SLC16A1: variants seen among roughly 807,000 people sequenced by gnomAD.
The protein encoded by SLC16A1 is monocarboxylate transporter 1.
A neutral mutation model predicts 32.2 loss-of-function variants in SLC16A1; 11 were observed. That is an observed-to-expected ratio of 0.34 (90% confidence interval 0.21 to 0.56). SLC16A1 has a LOEUF of 0.56. SLC16A1 is among the 20% of genes least tolerant of loss of function. SLC16A1 has a pLI of 0.87. For missense variants in SLC16A1, 435 were observed against 615.0 expected (o/e 0.71, Z 3.10); for synonymous variants, 231 against 226.8 (o/e 1.02, Z -0.17).
rs1380352421 is a variant in SLC16A1, at chr1:112,947,337, T to C, written c.-45+8698A>G. On this transcript the variant is annotated intron_variant, in intron 1 of 4. Transcript: ENST00000369626. ...TGAGTTGTCAGGATTATATCATTTA[T>C]GTTACTTTGAATGTAAATGAGTATT... Among the ~76,000 whole-genome samples, 5 of 152,240 alleles carry C rather than the reference T, an allele frequency of 3.3e-5. No individual in the cohort carries two copies. The South Asian group carries it at 1.0e-3, about 31-fold the overall frequency.
At chr1:112,943,763 G>A (rs769006127) in intron 1 of SLC16A1, among the ~76,000 whole-genome samples, 1 of 147,620 alleles carries the variant, frequency 6.8e-6, no homozygotes, top group Non-Finnish European at 1.5e-5. Context: ...ACTCTAGCCT[G>A]GGTGACAGCA....
At chr1:112,939,724 T>C (rs1439423171) in intron 1 of SLC16A1, among the ~76,000 whole-genome samples, 1 of 151,906 alleles carries the variant, frequency 6.6e-6, no homozygotes, top group African/African-American at 2.4e-5. Flanking sequence ...AGGCTGGTCT[T>C]GAACTCCTGA....
intron 1 of SLC16A1, among the ~76,000 whole-genome samples, chr1:112,953,586 A>C (rs1226122816): frequency 1.3e-5 from 2 of 152,162 alleles, no homozygotes; most frequent in African/African-American, 4.8e-5. Context: ...AATGGCTTAC[A>C]AGGCCCTCCA....
At chr1:112,948,695 G>T (rs1156668206) in intron 1 of SLC16A1, among the ~76,000 whole-genome samples, 2 of 152,020 alleles carry the variant, frequency 1.3e-5, no homozygotes, top group Non-Finnish European at 2.9e-5. Context: ...TAGAGGCAGG[G>T]TTTCATCATG....
intron 4 of SLC16A1, among the ~76,000 whole-genome samples, chr1:112,916,496 TAAAAAAAAAAAA>T (rs570173297): frequency 1.8e-3 from 113 of 61,202 alleles, no homozygotes; most frequent in African/African-American, 7.0e-3. Context: ...AAGACTGTCT[TAAAAAAAAAAAA>T]AAAAAAAAAA....
intron 1 of SLC16A1, among the ~76,000 whole-genome samples, chr1:112,937,058 G>A (rs1345971002): frequency 2.0e-5 from 3 of 152,146 alleles, no homozygotes; most frequent in African/African-American, 7.2e-5. Flanking sequence ...TTGATTTTAT[G>A]AGCTTTTTCT....
At chr1:112,944,821 T>C (rs537382941) in intron 1 of SLC16A1, among the ~76,000 whole-genome samples, 3 of 151,960 alleles carry the variant, frequency 2.0e-5, no homozygotes, top group African/African-American at 7.2e-5. Flanking sequence ...GCCCCACGAG[T>C]AGCTGGGATT....
intron 2 of SLC16A1, 83 bp downstream of exon 2, chr1:112,929,009 T>C (rs1293491726): frequency 3.4e-6 from 3 of 872,290 alleles, no homozygotes; most frequent in Non-Finnish European, 5.1e-6. Context: ...GAATAAGACT[T>C]TTTTTTTTTT....
chr1:112,924,189 C>T (rs1156368248), intron 2 of SLC16A1: 7 of 1,510,768 alleles, frequency 4.6e-6, no homozygotes, highest in Non-Finnish European at 5.5e-6. Context: ...GCAGGGTGCC[C>T]ACGGGGACGC....
intron 1 of SLC16A1, among the ~76,000 whole-genome samples, chr1:112,938,390 G>C (rs1384044771): frequency 6.6e-6 from 1 of 152,054 alleles, no homozygotes; most frequent in Non-Finnish European, 1.5e-5. Flanking sequence ...TCAAAGTCTA[G>C]GAAACCTCAC....
intron 1 of SLC16A1, among the ~76,000 whole-genome samples, chr1:112,940,551 C>G (rs1570640476): frequency 6.6e-6 from 1 of 151,954 alleles, no homozygotes; most frequent in East Asian, 1.9e-4. Flanking sequence ...GAATCAGAAT[C>G]AGGTTAGACA....
At chr1:112,925,217 T>A (rs72683441) in intron 2 of SLC16A1, among the ~76,000 whole-genome samples, 171 of 152,306 alleles carry the variant, frequency 1.1e-3, no homozygotes, top group Non-Finnish European at 2.1e-3. Context: ...CCTCTGTGGC[T>A]GGAGTGCAGT....
chr1:112,950,730 C>T (rs943843271), intron 1 of SLC16A1, among the ~76,000 whole-genome samples: 2 of 152,198 alleles, frequency 1.3e-5, no homozygotes, highest in Non-Finnish European at 2.9e-5. Flanking sequence ...GGTGAGGTAG[C>T]TCACACCTGT....
intron 3 of SLC16A1, among the ~76,000 whole-genome samples, chr1:112,919,424 C>G (rs908764160): frequency 6.6e-6 from 1 of 152,152 alleles, no homozygotes; most frequent in Non-Finnish European, 1.5e-5. Flanking sequence ...ACTTACAGAA[C>G]AAATACAGAG....
At chr1:112,949,516 T>C (rs762319101) in intron 1 of SLC16A1, among the ~76,000 whole-genome samples, 2 of 152,204 alleles carry the variant, frequency 1.3e-5, no homozygotes, top group African/African-American at 2.4e-5. Flanking sequence ...TAGAATCCTG[T>C]GACATCAGCA....
intron 2 of SLC16A1, among the ~76,000 whole-genome samples, chr1:112,927,810 T>G (rs1648992987): frequency 6.6e-6 from 1 of 152,202 alleles, no homozygotes; most frequent in Non-Finnish European, 1.5e-5. Flanking sequence ...AAAACACAAG[T>G]GGCTTTCTCG....
intron 1 of SLC16A1, among the ~76,000 whole-genome samples, chr1:112,954,605 T>G (rs1650012414): frequency 6.6e-6 from 1 of 152,208 alleles, no homozygotes; most frequent in African/African-American, 2.4e-5. Flanking sequence ...GACATTACAG[T>G]CTATCCCGTT....
intron 4 of SLC16A1, among the ~76,000 whole-genome samples, chr1:112,916,093 A>G (rs1179921282): frequency 1.3e-5 from 2 of 152,176 alleles, no homozygotes; most frequent in Non-Finnish European, 2.9e-5. Flanking sequence ...AACAGGAGAT[A>G]CAAAATGATA....
At chr1:112,926,109 T>C (rs1263622534) in intron 2 of SLC16A1, among the ~76,000 whole-genome samples, 1 of 152,224 alleles carries the variant, frequency 6.6e-6, no homozygotes, top group Non-Finnish European at 1.5e-5. Flanking sequence ...GTGATCATGA[T>C]ACTGGTGCAC....
Sources: gnomAD v4.1 joint callset for allele counts (sites outside exome capture counted in the v4.1 genomes callset) on GRCh38, gnomAD v4.1.1 for gene constraint, MANE v1.5 for transcripts, NCBI Gene and HGNC (gene_info 2026-07-23, HGNC 2026-07-21) for gene names.